Variants in DYM observed in about 807,000 individuals in gnomAD.
DYM encodes the protein dyggve-Melchior-Clausen syndrome protein.
DYM carries 78 observed loss-of-function variants against 93.1 expected under a neutral mutation model. The observed-to-expected ratio is 0.84, with a 90% confidence interval of 0.70 to 1.01. The LOEUF (loss-of-function observed/expected upper bound fraction) is 1.01, where lower values mean the gene tolerates loss of function less well. Among genes scored for constraint, DYM ranks in the 50% least tolerant of loss-of-function variants. The probability of loss-of-function intolerance (pLI) is 0.00; values close to 1 mark genes in which losing one functional copy is unlikely to be tolerated. For synonymous variants in DYM, 321 were observed against 319.7 expected, an observed-to-expected ratio of 1.00 and a Z score of -0.04; for missense variants, 789 against 845.0, an observed-to-expected ratio of 0.93 and a Z score of 0.82.
At chr18:49,069,514 G>C (rs187608713) in intron 17 of DYM, among the ~76,000 whole-genome samples, 1 of 152,174 alleles carries the variant, frequency 6.6e-6, no homozygotes, top group Non-Finnish European at 1.5e-5. Context: ...TTCATGAGTA[G>C]CATGTAAAAG....
intron 16 of DYM, among the ~76,000 whole-genome samples, chr18:49,107,796 T>C (rs2080997455): frequency 6.6e-6 from 1 of 152,208 alleles, no homozygotes; most frequent in Admixed American, 6.5e-5. Flanking sequence ...CCCGGCCGTG[T>C]GAAGTGTCAG....
At chr18:49,262,310 CAG>C (rs765009444) in intron 11 of DYM, among the ~76,000 whole-genome samples, 3 of 152,152 alleles carry the variant, frequency 2.0e-5, no homozygotes, top group Non-Finnish European at 4.4e-5. Flanking sequence ...CTAGAGCCTT[CAG>C]AGAGAGCATG....
At chr18:49,384,674 C>T (rs372641633) in intron 3 of DYM, among the ~76,000 whole-genome samples, 10 of 146,564 alleles carry the variant, frequency 6.8e-5, no homozygotes, top group South Asian at 2.1e-4. Flanking sequence ...GATCTACAAA[C>T]GACTAGAAAT....
chr18:49,396,228 A>G (rs940285113), intron 2 of DYM, among the ~76,000 whole-genome samples: 4 of 152,180 alleles, frequency 2.6e-5, no homozygotes, highest in African/African-American at 9.7e-5. Context: ...AACACAAAAC[A>G]GACCAAGACG....
At chr18:49,160,940 T>C (rs931275877) in intron 15 of DYM, among the ~76,000 whole-genome samples, 2 of 152,160 alleles carry the variant, frequency 1.3e-5, no homozygotes, top group Non-Finnish European at 2.9e-5. Context: ...CAGGTCTCTA[T>C]CAGGAGTGAT....
At chr18:49,083,915 T>C (rs1041233045) in intron 17 of DYM, among the ~76,000 whole-genome samples, 2 of 152,162 alleles carry the variant, frequency 1.3e-5, no homozygotes, top group Non-Finnish European at 2.9e-5. Flanking sequence ...TAAAGTCTTA[T>C]CCATTTTATT....
intron 2 of DYM, among the ~76,000 whole-genome samples, chr18:49,425,916 G>A (rs1029368317): frequency 6.6e-6 from 1 of 151,928 alleles, no homozygotes; most frequent in African/African-American, 2.4e-5. Flanking sequence ...GAGAGGATGT[G>A]GAGAAATAGG....
At chr18:49,192,466 G>C (rs2091068436) in intron 14 of DYM, among the ~76,000 whole-genome samples, 1 of 151,976 alleles carries the variant, frequency 6.6e-6, no homozygotes, top group East Asian at 1.9e-4. Flanking sequence ...GTGAGGTAAG[G>C]GTTCGATTTC....
chr18:49,042,285 A>C lies in DYM; in HGVS notation c.*1770T>G, dbSNP rs2070983455. The C allele has an allele frequency of 6.5e-6, 1 of 152,802 alleles. No homozygotes were observed. 9.5% of individuals were successfully genotyped at this position (152,802 alleles called of 1,614,324 possible). A position where few individuals can be genotyped will look rare whatever the true frequency, so the allele number is the denominator to read the frequency against. On this transcript the variant is annotated 3_prime_UTR_variant, in exon 18 of 18. Transcript: ENST00000675505. Reference sequence around the variant, plus strand: ...CTGACAGAACAAGCCCCTTGGGGACAGGAGGCAAGCTGCACTCACCTCTGG... The same window carrying C: ...CTGACAGAACAAGCCCCTTGGGGACCGGAGGCAAGCTGCACTCACCTCTGG...
intron 6 of DYM, among the ~76,000 whole-genome samples, chr18:49,343,377 T>C (rs913970801): frequency 2.6e-5 from 4 of 152,370 alleles, no homozygotes; most frequent in African/African-American, 9.6e-5. Flanking sequence ...TTGAAGCTGC[T>C]GTTCCCTCTG....
At chr18:49,292,312 A>ACAGGCAGGCAGGCAGG (rs60150235) in intron 8 of DYM, among the ~76,000 whole-genome samples, 6 of 110,998 alleles carry the variant, frequency 5.4e-5, no homozygotes, top group Admixed American at 4.1e-4. Context: ...AGACAGACAG[A>ACAGGCAGGCAGGCAGG]CAGGCAGGCA....
chr18:49,453,717 G>A (rs2082731052), intron 1 of DYM, among the ~76,000 whole-genome samples: 1 of 152,210 alleles, frequency 6.6e-6, no homozygotes, highest in South Asian at 2.1e-4. Flanking sequence ...TATCCTGATA[G>A]CAGGGATAAT....
intron 13 of DYM, among the ~76,000 whole-genome samples, chr18:49,234,741 A>C (rs186312832): frequency 3.6e-4 from 55 of 152,320 alleles, no homozygotes; most frequent in African/African-American, 1.3e-3. Flanking sequence ...ATTGTCCTTA[A>C]AACCGGGAGA....
chr18:49,457,770 G>A (rs1363747732), intron 1 of DYM, among the ~76,000 whole-genome samples: 1 of 152,176 alleles, frequency 6.6e-6, no homozygotes, highest in African/African-American at 2.4e-5. Flanking sequence ...AACCTCGAGG[G>A]GGGATTTATC....
chr18:49,347,044 T>C (rs529527349), intron 6 of DYM, among the ~76,000 whole-genome samples: 1 of 152,350 alleles, frequency 6.6e-6, no homozygotes, highest in Non-Finnish European at 1.5e-5. Context: ...TTCATGTAAT[T>C]TATTGAACAC....
intron 15 of DYM, among the ~76,000 whole-genome samples, chr18:49,130,914 T>C (rs2083323393): frequency 1.3e-5 from 2 of 152,338 alleles, no homozygotes; most frequent in Admixed American, 6.5e-5. Flanking sequence ...GAGTCAGCCT[T>C]GAATCCCAGC....
At chr18:49,097,092 C>A in intron 17 of DYM, 3 of 434,994 alleles carry the variant, frequency 6.9e-6, no homozygotes, top group Non-Finnish European at 1.3e-5. Flanking sequence ...TTCATCATCA[C>A]CTTCCCATTA....
chr18:49,353,629 C>G (rs2065304316), intron 6 of DYM, among the ~76,000 whole-genome samples: 1 of 151,834 alleles, frequency 6.6e-6, no homozygotes, highest in African/African-American at 2.4e-5. Flanking sequence ...ATCATCTGAG[C>G]AGACGTCAAT....
chr18:49,375,335 T>C (rs1407249954), intron 5 of DYM, among the ~76,000 whole-genome samples: 2 of 151,860 alleles, frequency 1.3e-5, no homozygotes, highest in Non-Finnish European at 2.9e-5. Context: ...TGTCATTTTA[T>C]TCACCCTTTA....
Sources: allele counts gnomAD v4.1 joint callset (sites outside exome capture counted in the v4.1 genomes callset), GRCh38; gene constraint gnomAD v4.1.1; transcripts MANE v1.5; gene names NCBI Gene and HGNC (gene_info 2026-07-23, HGNC 2026-07-21).